The following DIP2C variants were observed in gnomAD, a reference collection of about 807,000 sequenced individuals.
DIP2C encodes the protein DIP2 acetate--CoA ligase C (putative).
DIP2C carries 33 observed loss-of-function variants against 192.4 expected under a neutral mutation model. The observed-to-expected ratio is 0.17, with a 90% CI of 0.13 to 0.23. DIP2C has a LOEUF of 0.23. Among genes scored for constraint, DIP2C ranks in the 10% least tolerant of loss-of-function variants. The probability of loss-of-function intolerance (pLI) is 1.00; values close to 1 mark genes in which losing one functional copy is unlikely to be tolerated. For synonymous variants in DIP2C, 979 were observed against 864.1 expected (o/e 1.13, Z -2.33); for missense variants, 1,537 against 2,110.1 (o/e 0.73, Z 5.32).
rs542670658 is a variant in DIP2C, at chr10:473,443, C to T, written c.158-894G>A. ...AACGGCTCTGATACCACAGAAAGGA[C>T]GTCATCCTATGTCATCCCCACAGTT... is the stretch of plus-strand genomic sequence containing the variant. On this transcript the variant is annotated intron_variant, in intron 2 of 36. Coordinates refer to ENST00000280886, the MANE Select transcript of DIP2C (RefSeq NM_014974.3). Among the ~76,000 whole-genome samples the T allele has an allele frequency of 6.6e-5, 10 of 151,702 alleles. No individual in the cohort carries two copies. The East Asian group carries it at 1.2e-3, about 18-fold the overall frequency.
rs529962835 is a variant in DIP2C at position 390,639 on chromosome 10, A to C, written c.1384+101T>G. The C allele has an allele frequency of 1.1e-4, 174 of 1,523,438 alleles. 1 individual carries two copies. The African/African-American group carries it at 2.3e-3, about 20-fold the overall frequency. 94.4% of individuals were successfully genotyped at this position (1,523,438 alleles called of 1,614,324 possible). On this transcript the variant is annotated intron_variant, in intron 11 of 36. Transcript: ENST00000280886. ...CTCGTGGGTCTGTGACTGACGTTTCATTCCACAGAGGATTGAAACCGAGGC... is the reference window on the plus strand; with the variant it reads ...CTCGTGGGTCTGTGACTGACGTTTCCTTCCACAGAGGATTGAAACCGAGGC...
chr10:568,481 C>T (rs1193038315), intron 1 of DIP2C, among the ~76,000 whole-genome samples: 1 of 152,000 alleles, frequency 6.6e-6, no homozygotes, highest in Non-Finnish European at 1.5e-5. Flanking sequence ...AAAAACTTCA[C>T]TTGAGGCCGG....
intron 1 of DIP2C, among the ~76,000 whole-genome samples, chr10:522,093 C>T (rs1178008081): frequency 1.3e-5 from 2 of 151,894 alleles, no homozygotes; most frequent in African/African-American, 4.8e-5. Flanking sequence ...ATTCACCCCT[C>T]CCCTCCCCAA....
At chr10:485,630 G>A (rs555306890) in intron 2 of DIP2C, among the ~76,000 whole-genome samples, 34 of 152,314 alleles carry the variant, frequency 2.2e-4, no homozygotes, top group Admixed American at 5.9e-4. Context: ...GACGGGCCTC[G>A]GGAAGAACAG....
At chr10:311,540 C>T in intron 31 of DIP2C, 2 of 1,232,430 alleles carry the variant, frequency 1.6e-6, no homozygotes, top group Non-Finnish European at 2.0e-6. Context: ...CCCCTACCTG[C>T]TCGGCCAGGG....
At position 566,458 on chromosome 10, in the gene DIP2C, CACACCACAA is replaced by C. The variant is rs566583299; in HGVS notation, c.86-79937_86-79929del. ...TACAGTTGCCTTTCCTCTCGAGTAG[CACACCACAA>C]ACAGCACAGACACACCGCACACTGA... On this transcript the variant is annotated intron_variant, in intron 1 of 36. Transcript: ENST00000280886. Among the ~76,000 whole-genome samples, 23 of 152,324 alleles carry C rather than the reference CACACCACAA, an allele frequency of 1.5e-4. No homozygotes were observed. In the East Asian group the frequency reaches 4.3e-3, roughly 28 times the overall value.
intron 1 of DIP2C, among the ~76,000 whole-genome samples, chr10:619,541 G>GCCCTCCCTCCCT (rs1554757196): frequency 4.7e-4 from 32 of 67,962 alleles, no homozygotes; most frequent in African/African-American, 1.1e-3. Flanking sequence ...CCGCCCGCCC[G>GCCCTCCCTCCCT]CCCTCCCACC....
chr10:347,344 T>C (rs1297939322), intron 26 of DIP2C, among the ~76,000 whole-genome samples: 546 of 36,932 alleles, frequency 0.015, no homozygotes, highest in Non-Finnish European at 0.02. Context: ...CCCGGAAACG[T>C]CACACACACC....
chr10:308,803 C>T (rs1245833167), intron 32 of DIP2C, among the ~76,000 whole-genome samples: 2 of 152,134 alleles, frequency 1.3e-5, no homozygotes, highest in East Asian at 1.9e-4. Flanking sequence ...GGAAGAGCCA[C>T]AGGGCCAGGC....
chr10:411,716 T>C (rs1965200333), intron 8 of DIP2C, among the ~76,000 whole-genome samples: 2 of 152,174 alleles, frequency 1.3e-5, no homozygotes, highest in Admixed American at 1.3e-4. Flanking sequence ...ATTAGAACAA[T>C]TCTCATTCGA....
chr10:588,501 G>A (rs991594389), intron 1 of DIP2C, among the ~76,000 whole-genome samples: 30 of 152,244 alleles, frequency 2.0e-4, no homozygotes, highest in African/African-American at 5.8e-4. Context: ...AAGTTCAACC[G>A]AATCTGAGGT....
chr10:346,326 G>A (rs1300070633), intron 26 of DIP2C, among the ~76,000 whole-genome samples: 1 of 71,790 alleles, frequency 1.4e-5, no homozygotes, highest in Non-Finnish European at 2.6e-5. Flanking sequence ...CAGACACATC[G>A]CGCATAGTTC....
At chr10:646,768 C>T (rs1855475724) in intron 1 of DIP2C, among the ~76,000 whole-genome samples, 1 of 152,150 alleles carries the variant, frequency 6.6e-6, no homozygotes, top group Non-Finnish European at 1.5e-5. Flanking sequence ...TTATTTTAAG[C>T]TCAAAATTAA....
In DIP2C at chr10:414,003, C is replaced by A; in HGVS notation, c.967G>T (p.Ala323Ser). ...VTNWPPSLEA[A>S]LQRWGTISPK... ...GAGATGGTGCCCCACCTCTGCAGTG[C>A]GGCCTCCAGCGACGGCGGCCAGTTC... Residue 323 changes from alanine (A) to serine (S), a missense_variant, in exon 8 of 37, where the codon GCA becomes TCA. Transcript: ENST00000280886. The A allele has an allele frequency of 6.2e-7, 1 of 1,614,084 alleles. No homozygotes were observed. Among genetic ancestry groups the A allele is most frequent in the Non-Finnish European group, 8.5e-7 (1 of 1,179,998 alleles).
intron 29 of DIP2C, among the ~76,000 whole-genome samples, chr10:330,785 C>A (rs995306890): frequency 6.6e-6 from 1 of 150,488 alleles, no homozygotes; most frequent in Non-Finnish European, 1.5e-5. Context: ...GGATTACAGG[C>A]ATGAGCCACC....
chr10:340,879 C>T (rs967685873), intron 29 of DIP2C: 12 of 476,276 alleles, frequency 2.5e-5, no homozygotes, highest in Middle Eastern at 3.1e-4. Context: ...AACCCAGGCC[C>T]AGCACCATCG....
intron 31 of DIP2C, among the ~76,000 whole-genome samples, chr10:315,547 A>C (rs1956740536): frequency 6.6e-6 from 1 of 152,238 alleles, no homozygotes; most frequent in African/African-American, 2.4e-5. Flanking sequence ...ACTTCTGATG[A>C]GAACTCAGTG....
intron 1 of DIP2C, among the ~76,000 whole-genome samples, chr10:639,154 GA>G (rs1855002437): frequency 8.2e-5 from 12 of 146,552 alleles, no homozygotes; most frequent in African/African-American, 1.5e-4. Flanking sequence ...GTCAGGTCGG[GA>G]GGGTGCTGCC....
intron 2 of DIP2C, among the ~76,000 whole-genome samples, chr10:485,204 A>C (rs1335666676): frequency 6.6e-6 from 1 of 152,246 alleles, no homozygotes; most frequent in Non-Finnish European, 1.5e-5. Context: ...GTTAAAACCA[A>C]CAGCGTCCGT....
Sources: gnomAD v4.1 joint callset for allele counts (sites outside exome capture counted in the v4.1 genomes callset) on GRCh38, gnomAD v4.1.1 for gene constraint, MANE v1.5 for transcripts, NCBI Gene and HGNC (gene_info 2026-07-23, HGNC 2026-07-21) for gene names.